Variants in TTN observed in about 807,000 individuals in gnomAD.
The protein encoded by TTN is connectin.
TTN carries 1,525 observed loss-of-function variants against 3,223.0 expected under a neutral mutation model. The ratio of observed to expected loss-of-function variants is 0.47; its 90% confidence interval spans 0.45 to 0.49. The LOEUF is 0.49. TTN is among the 20% of genes least tolerant of loss of function. TTN has a pLI of 0.00. For missense variants in TTN, 40,786 were observed against 43,424.0 expected (o/e 0.94, Z 5.40); for synonymous variants, 14,094 against 15,161.0 (o/e 0.93, Z 5.17).
chr2:178,605,346 T>C (rs1214821365), intron 279 of TTN, 51 bp from the exon 280 acceptor site: 15 of 1,531,840 alleles, frequency 9.8e-6, no homozygotes, highest in Non-Finnish European at 1.3e-5. Context: ...AGGATGTTTT[T>C]TTCAACTTAT....
In TTN at chr2:178,777,700, T is replaced by C; in HGVS notation, c.4480+4A>G. ...ATTCATGAGCAAAAACTTATCACGC[T>C]TACCATCATGAAACCAGAACGTCTC... On this transcript the variant is annotated splice_donor_region_variant and intron_variant, in intron 25 of 362. Transcript: ENST00000589042. 1 of 1,614,054 alleles carries C rather than the reference T, an allele frequency of 6.2e-7. No homozygotes were observed. Among genetic ancestry groups the C allele is most frequent in the Non-Finnish European group, 8.5e-7 (1 of 1,179,948 alleles).
At position 178,782,998 on chromosome 2, in the gene TTN, G is replaced by C. The variant is rs771852108; in HGVS notation, c.2908C>G (p.Pro970Ala). The change falls in exon 18 of 363, where the codon CCA becomes GCA. Residue 970 changes from proline (P) to alanine (A), a missense_variant. Transcript: ENST00000589042. ...CTGTACCATGTCACTGTCGGGGATGGGTATCCAGAGATGTGGCACTCCAAG... is the reference window on the plus strand; with the variant it reads ...CTGTACCATGTCACTGTCGGGGATGCGTATCCAGAGATGTGGCACTCCAAG... ...VTLECHISGY[P>A]SPTVTWYRED... 8 of 1,614,056 alleles carry C rather than the reference G, an allele frequency of 5.0e-6. No individual in the cohort carries two copies. The East Asian group carries it at 1.8e-4, about 36-fold the overall frequency.
chr2:178,582,269 T>A (rs1371285545), intron 314 of TTN, 27 bp downstream of exon 314: 2 of 1,575,180 alleles, frequency 1.3e-6, no homozygotes, highest in Non-Finnish European at 1.7e-6. Flanking sequence ...AAAAATAAAA[T>A]GAAAAACCAC....
rs747835286 is a variant in TTN at position 178,630,202 on chromosome 2, G to T, written c.44281+39C>A. ...TCACTCACATTCATTTTCTGAAAAAGTGTTTATTTAATTTCCCTGAAAAAT... is the reference window on the plus strand; with the variant it reads ...TCACTCACATTCATTTTCTGAAAAATTGTTTATTTAATTTCCCTGAAAAAT... On this transcript the variant is annotated intron_variant, in intron 239 of 362. Coordinates refer to ENST00000589042, the MANE Select transcript of TTN (RefSeq NM_001267550.2). The T allele has an allele frequency of 1.9e-6, 3 of 1,609,456 alleles. No individual in the cohort carries two copies. The African/African-American group carries it at 4.0e-5, about 22-fold the overall frequency.
intron 239 of TTN, among the ~76,000 whole-genome samples, chr2:178,629,765 G>A (rs1217380445): frequency 3.3e-5 from 5 of 152,068 alleles, no homozygotes; most frequent in African/African-American, 1.2e-4. Flanking sequence ...GACTCTGATT[G>A]GGAGAGGACA....
rs2154354699 is a variant in TTN, at chr2:178,792,174, T to C, written c.1560A>G (p.Thr520=). 6.2e-7 allele frequency: 1 copy of C among 1,608,182 alleles called. No individual in the cohort carries two copies. The highest frequency in any genetic ancestry group is 8.5e-7 in the Non-Finnish European group (1 of 1,178,636). The change falls in exon 10 of 363, where the codon ACA becomes ACG. Residue 520 remains threonine, a synonymous_variant. Coordinates refer to ENST00000589042, the MANE Select transcript of TTN (RefSeq NM_001267550.2). ...HEQIRKETEK[T]FVPKVVISAA... ...CGGAAATTACTACCTTTGGTACAAA[T>C]GTTTTTTCAGTTTCTTTTCTTATCT...
chr2:178,758,924 C>A, intron 44 of TTN, 60 bp downstream of exon 44: 1 of 1,487,390 alleles, frequency 6.7e-7, no homozygotes, highest in Non-Finnish European at 9.4e-7. Flanking sequence ...GTAATTGTTA[C>A]AGACATTGTT....
Position 178,565,899 on chromosome 2 carries a change from C to G in TTN, c.80233G>C (p.Glu26745Gln). ...TAAATGGCTCCTTCTGTAAGGTTTT[C>G]CACTTTAAAACTTGTTTTGCTGCAT... ...SKCSKTSFKV[E>Q]NLTEGAIYYF... Residue 26745 changes from glutamate (E) to glutamine (Q), a missense_variant, in exon 326 of 363, where the codon GAA (glutamate) becomes CAA (glutamine). Physicochemically the swap from Glu to Gln is conservative, Grantham distance 29. Transcript: ENST00000589042. 2.5e-6 allele frequency: 4 copies of G among 1,613,642 alleles called. No homozygotes were observed. Among genetic ancestry groups the G allele is most frequent in the Non-Finnish European group, 3.4e-6 (4 of 1,179,662 alleles).
intron 240 of TTN, among the ~76,000 whole-genome samples, chr2:178,627,810 T>A (rs2059258179): frequency 6.6e-6 from 1 of 152,054 alleles, no homozygotes; most frequent in Non-Finnish European, 1.5e-5. Context: ...GAAAAAATAA[T>A]ATCATTTGTC....
At chr2:178,619,392 A>G in intron 250 of TTN, 1 of 568,332 alleles carries the variant, frequency 1.8e-6, no homozygotes, top group Non-Finnish European at 3.0e-6. Flanking sequence ...ATAAATAGTC[A>G]TCATGTACTA....
In TTN at chr2:178,544,311, G is replaced by A. The variant is rs377462274; in HGVS notation, c.95918C>T (p.Pro31973Leu). The A allele has an allele frequency of 6.2e-7, 1 of 1,613,598 alleles. No individual in the cohort carries two copies. The highest frequency in any genetic ancestry group is 8.5e-7 in the Non-Finnish European group (1 of 1,179,734). The change falls in exon 345 of 363, where the codon CCA (proline) becomes CTA (leucine). Residue 31973 changes from proline (P) to leucine (L), a missense_variant. Pro to Leu is a moderately conservative substitution (Grantham distance 98). Coordinates refer to ENST00000589042, the MANE Select transcript of TTN (RefSeq NM_001267550.2). ...ATATTTCTGGCCCATTTTAAGGTCT[G>A]GCACAGTGAATTCAGTATTTCTTAT... ...ATIRNTEFTV[P>L]DLKMGQKYSF...
Position 178,590,389 on chromosome 2 carries a change from G to T in TTN, c.61336C>A (p.Arg20446Ser), listed in dbSNP as rs1470445238. ...CCTACAATATTAGCTGCCTTTATAC[G>T]GAATCTGTACTCATTTCCTTCAATT... ...GLIEGNEYRF[R>S]IKAANIVGEG... Residue 20446 changes from arginine (R) to serine (S), a missense_variant, in exon 304 of 363, where the codon CGT (arginine) becomes AGT (serine). Physicochemically the swap from Arg to Ser is moderately radical, Grantham distance 110 (BLOSUM62 -1). Coordinates refer to ENST00000589042, the MANE Select transcript of TTN (RefSeq NM_001267550.2). The T allele has an allele frequency of 3.1e-6, 5 of 1,597,092 alleles. No individual in the cohort carries two copies. The South Asian group carries it at 3.4e-5, about 11-fold the overall frequency.
At position 178,649,317 on chromosome 2, in the gene TTN, T is replaced by G; in HGVS notation, c.39988A>C (p.Lys13330Gln). The change falls in exon 213 of 363, where the codon AAG becomes CAG. Residue 13330 changes from lysine (K) to glutamine (Q), a missense_variant. Transcript: ENST00000589042. ...TCTTTCTTTACTGGAACAAGTTTCT[T>G]GGGCACCTCAGGCACTTTGAAGATA... Reference protein sequence around the residue: ...TPAAKVPEVPKKLVPVKKEPV... With the variant: ...TPAAKVPEVPQKLVPVKKEPV... The G allele has an allele frequency of 6.8e-7, 1 of 1,468,936 alleles. No individual in the cohort carries two copies. The highest frequency in any genetic ancestry group is 8.9e-7 in the Non-Finnish European group (1 of 1,118,142). The allele number at this position is 1,468,936 out of a possible 1,614,324, so 91.0% of individuals were successfully genotyped here.
chr2:178,683,336 ATGTG>A, intron 133 of TTN, 45 bp from the exon 134 acceptor site: 1 of 1,259,402 alleles, frequency 7.9e-7, no homozygotes, highest in Non-Finnish European at 1.1e-6. Flanking sequence ...GATTCTGAAA[ATGTG>A]TGTGTGAAGA....
At chr2:178,585,893 A>G (rs967116580) in intron 308 of TTN, among the ~76,000 whole-genome samples, 1 of 152,116 alleles carries the variant, frequency 6.6e-6, no homozygotes, top group Non-Finnish European at 1.5e-5. Flanking sequence ...ACAGTGCCAC[A>G]ATAAACATAC....
chr2:178,616,061 A>G (rs1412315700), intron 257 of TTN, among the ~76,000 whole-genome samples: 1 of 151,974 alleles, frequency 6.6e-6, no homozygotes, highest in African/African-American at 2.4e-5. Flanking sequence ...ATATGATTTT[A>G]ATTCAGGGTA....
chr2:178,559,408 A>G lies in TTN; in HGVS notation c.86724T>C (p.Asn28908=), dbSNP rs2154157811. The G allele has an allele frequency of 2.5e-6, 4 of 1,613,712 alleles. No homozygotes were observed. The East Asian group carries it at 6.7e-5, about 27-fold the overall frequency. ...AGTAATAGATAGCTCCTTCTTGTAA[A>G]TTGGTAACTTTGTAGGAGAGGCGGT... ...NCNRLSYKVT[N]LQEGAIYYFR... Residue 28908 remains asparagine, a synonymous_variant, in exon 326 of 363, where the codon AAT becomes AAC. Transcript: ENST00000589042.
chr2:178,649,184 A>G, intron 213 of TTN, 64 bp downstream of exon 213: 1 of 1,210,446 alleles, frequency 8.3e-7, no homozygotes, highest in Non-Finnish European at 1.1e-6. Flanking sequence ...TTTTTCTCTA[A>G]GACCTATTAT....
chr2:178,725,689 G>T (rs1257971258), intron 70 of TTN, 40 bp from the exon 71 acceptor site: 3 of 1,553,736 alleles, frequency 1.9e-6, no homozygotes, highest in Non-Finnish European at 1.7e-6. Flanking sequence ...TGAAAAGATT[G>T]TCCAGATCAT....
Sources: allele counts gnomAD v4.1 joint callset (sites outside exome capture counted in the v4.1 genomes callset), GRCh38; gene constraint gnomAD v4.1.1; transcripts MANE v1.5; gene names NCBI Gene and HGNC (gene_info 2026-07-23, HGNC 2026-07-21).